ZNG1B: variants seen among roughly 807,000 people sequenced by gnomAD.
The protein encoded by ZNG1B is zinc-regulated GTPase metalloprotein activator 1B.
chr2:113,452,927 G>C, the ZNG1B span, among the ~76,000 whole-genome samples: 4 of 151,896 alleles, frequency 2.6e-5, no homozygotes, highest in Non-Finnish European at 5.9e-5. Context: ...AATAACAAGA[G>C]AGATGGAAAT....
the ZNG1B span, chr2:113,444,198 A>T: frequency 9.7e-6 from 4 of 413,876 alleles, no homozygotes; most frequent in Non-Finnish European, 1.7e-5. Context: ...TCAACCTTAT[A>T]AAAAAAATAA....
the ZNG1B span, among the ~76,000 whole-genome samples, chr2:113,454,169 ATTCTTTTG>A: frequency 6.6e-6 from 1 of 152,180 alleles, no homozygotes; most frequent in African/African-American, 2.4e-5. Flanking sequence ...AATTAAACTC[ATTCTTTTG>A]TTATCAGCAT....
At chr2:113,468,191 C>G in the ZNG1B span, among the ~76,000 whole-genome samples, 2,790 of 139,420 alleles carry the variant, frequency 0.02, no homozygotes, top group African/African-American at 0.05. Flanking sequence ...ACTGAGCTAT[C>G]ATTGCAGTTT....
chr2:113,438,507 C>T, the ZNG1B span, among the ~76,000 whole-genome samples: 2 of 152,176 alleles, frequency 1.3e-5, no homozygotes, highest in Non-Finnish European at 2.9e-5. Context: ...AGCCAGTTGG[C>T]AGGGAGCGCT....
At chr2:113,487,841 C>T in the ZNG1B span, among the ~76,000 whole-genome samples, 1 of 151,286 alleles carries the variant, frequency 6.6e-6, no homozygotes, top group Non-Finnish European at 1.5e-5. Flanking sequence ...TTAAAAGTCT[C>T]ACATTTGCAA....
chr2:113,462,722 C>T, the ZNG1B span: 1 of 555,504 alleles, frequency 1.8e-6, no homozygotes, highest in East Asian at 3.0e-5. Context: ...GACTGATATT[C>T]AGGGTCTTCG....
chr2:113,448,633 G>T, the ZNG1B span, among the ~76,000 whole-genome samples: 8 of 151,934 alleles, frequency 5.3e-5, no homozygotes, highest in Admixed American at 5.2e-4. Context: ...GGCCGGGCTC[G>T]GTGGCTCATG....
chr2:113,441,170 A>G, the ZNG1B span, among the ~76,000 whole-genome samples: 3 of 152,220 alleles, frequency 2.0e-5, no homozygotes, highest in African/African-American at 7.2e-5. Flanking sequence ...TTATGTCTAC[A>G]TAAAGTATTT....
At chr2:113,474,474 G>A in the ZNG1B span, among the ~76,000 whole-genome samples, 2 of 150,200 alleles carry the variant, frequency 1.3e-5, no homozygotes, top group South Asian at 4.2e-4. Context: ...AGGGTTTTTT[G>A]TGTCTCTATT....
the ZNG1B span, among the ~76,000 whole-genome samples, chr2:113,459,507 A>G: frequency 4.6e-5 from 7 of 151,732 alleles, no homozygotes; most frequent in Non-Finnish European, 1.0e-4. Context: ...AGACTTTAAA[A>G]TTATGTCATT....
the ZNG1B span, among the ~76,000 whole-genome samples, chr2:113,489,757 A>G: frequency 1.3e-5 from 2 of 150,506 alleles, no homozygotes. Flanking sequence ...CAGCAGTTTA[A>G]AAAGACAAAG....
chr2:113,479,930 T>C, the ZNG1B span, among the ~76,000 whole-genome samples: 13,768 of 151,692 alleles, frequency 0.091, 878 homozygotes, highest in Non-Finnish European at 0.13. Flanking sequence ...TAAGCCGTCT[T>C]CCCACCTCAG....
chr2:113,449,104 TCTC>T, the ZNG1B span, among the ~76,000 whole-genome samples: 2 of 151,534 alleles, frequency 1.3e-5, no homozygotes, highest in East Asian at 4.0e-4. Flanking sequence ...CAACTTTTCT[TCTC>T]TAGCTTCCTC....
At chr2:113,459,361 G>T in the ZNG1B span, among the ~76,000 whole-genome samples, 2 of 151,300 alleles carry the variant, frequency 1.3e-5, no homozygotes, top group African/African-American at 4.9e-5. Flanking sequence ...TTGCTCTGAG[G>T]TTCCAAACTA....
At chr2:113,473,561 T>A in the ZNG1B span, among the ~76,000 whole-genome samples, 2 of 151,980 alleles carry the variant, frequency 1.3e-5, no homozygotes, top group Non-Finnish European at 2.9e-5. Flanking sequence ...CCCTGTCTTG[T>A]GCCCATTTTC....
At chr2:113,444,544 T>C in the ZNG1B span, among the ~76,000 whole-genome samples, 2 of 152,096 alleles carry the variant, frequency 1.3e-5, no homozygotes, top group East Asian at 3.9e-4. Context: ...AAAAAGGAAA[T>C]TAAAACCTTG....
chr2:113,492,376 G>A, the ZNG1B span, among the ~76,000 whole-genome samples: 2 of 122,532 alleles, frequency 1.6e-5, 1 homozygote. Flanking sequence ...ATTATTCTAA[G>A]TGAAAGAACT....
chr2:113,445,801 T>TA, the ZNG1B span, among the ~76,000 whole-genome samples: 1 of 146,120 alleles, frequency 6.8e-6, no homozygotes, highest in Non-Finnish European at 1.5e-5. Flanking sequence ...CCATTATTTT[T>TA]TTTTTTTTTT....
chr2:113,476,478 C>T, the ZNG1B span, among the ~76,000 whole-genome samples: 1 of 150,108 alleles, frequency 6.7e-6, no homozygotes, highest in East Asian at 2.0e-4. Context: ...CTGAAGCCTT[C>T]TTCTCTCAGC....
Sources: gnomAD v4.1 joint callset for allele counts (sites outside exome capture counted in the v4.1 genomes callset) on GRCh38, gnomAD v4.1.1 for gene constraint, MANE v1.5 for transcripts, NCBI Gene and HGNC (gene_info 2026-07-23, HGNC 2026-07-21) for gene names.